AMOTL1: variants seen among roughly 807,000 people sequenced by gnomAD.
AMOTL1 encodes the protein angiomotin-like protein 1.
AMOTL1 carries 45 observed loss-of-function variants against 102.9 expected under a neutral mutation model. The observed-to-expected ratio is 0.44, with a 90% CI of 0.34 to 0.56. The LOEUF (loss-of-function observed/expected upper bound fraction) is 0.56. Ranked by LOEUF, AMOTL1 falls within the 20% of genes least tolerant of loss-of-function variation. The pLI is 0.01. For missense variants in AMOTL1, 1,114 were observed against 1,225.6 expected (o/e 0.91, Z 1.36); for synonymous variants, 481 against 484.7 (o/e 0.99, Z 0.10).
chr11:94,720,544 C>T (rs1294852856), intron 1 of AMOTL1, among the ~76,000 whole-genome samples: 1 of 152,112 alleles, frequency 6.6e-6, no homozygotes, highest in Non-Finnish European at 1.5e-5. Context: ...TATTCCAAGC[C>T]ACATACCTCC....
At chr11:94,794,679 C>T (rs1951334687) in intron 1 of AMOTL1, among the ~76,000 whole-genome samples, 1 of 152,226 alleles carries the variant, frequency 6.6e-6, no homozygotes, top group Non-Finnish European at 1.5e-5. Flanking sequence ...CCATTCAGAA[C>T]TTTGTGACAC....
chr11:94,815,720 C>T (rs1363494334), intron 3 of AMOTL1, among the ~76,000 whole-genome samples: 1 of 151,672 alleles, frequency 6.6e-6, no homozygotes, highest in African/African-American at 2.4e-5. Context: ...TATATAAAAG[C>T]ATTGTAAAGA....
intron 1 of AMOTL1, among the ~76,000 whole-genome samples, chr11:94,770,063 T>G (rs1950923130): frequency 6.6e-6 from 1 of 152,116 alleles, no homozygotes; most frequent in African/African-American, 2.4e-5. Context: ...CAATCATGGC[T>G]CCCTGCTTCC....
intron 4 of AMOTL1, among the ~76,000 whole-genome samples, chr11:94,825,408 A>C (rs969738416): frequency 1.3e-5 from 2 of 152,144 alleles, no homozygotes; most frequent in African/African-American, 2.4e-5. Flanking sequence ...TGGAGCTTGG[A>C]ATGGCTGAGA....
At chr11:94,841,838 A>G (rs1952308881) in intron 6 of AMOTL1, among the ~76,000 whole-genome samples, 1 of 152,198 alleles carries the variant, frequency 6.6e-6, no homozygotes, top group African/African-American at 2.4e-5. Flanking sequence ...CAATTTCCAG[A>G]AGTAAAGTGC....
intron 9 of AMOTL1, among the ~76,000 whole-genome samples, chr11:94,863,932 C>T (rs1401975384): frequency 6.6e-6 from 1 of 152,196 alleles, no homozygotes; most frequent in Non-Finnish European, 1.5e-5. Flanking sequence ...TTGTCAAGGA[C>T]AGTGTCTGCC....
chr11:94,766,793 T>C (rs1432468730), upstream of AMOTL1, among the ~76,000 whole-genome samples: 1 of 152,262 alleles, frequency 6.6e-6, no homozygotes. Context: ...TCAACAGCTA[T>C]GCCTGAGCTT....
At chr11:94,829,349 A>T (rs1330160241) in intron 4 of AMOTL1, among the ~76,000 whole-genome samples, 3 of 151,772 alleles carry the variant, frequency 2.0e-5, no homozygotes, top group Non-Finnish European at 2.9e-5. Flanking sequence ...CAGCCTCCCA[A>T]GTAGCTGGGG....
At chr11:94,760,023 C>T (rs1441486503) in intron 3 of AMOTL1, among the ~76,000 whole-genome samples, 1 of 152,174 alleles carries the variant, frequency 6.6e-6, no homozygotes, top group Non-Finnish European at 1.5e-5. Flanking sequence ...AACTCTGGAG[C>T]GGGGCCCTGC....
chr11:94,839,921 C>T (rs1952262170), intron 6 of AMOTL1, among the ~76,000 whole-genome samples: 1 of 152,196 alleles, frequency 6.6e-6, no homozygotes, highest in Non-Finnish European at 1.5e-5. Flanking sequence ...CAGATCTTCT[C>T]AAGTGAGTTC....
intron 1 of AMOTL1, among the ~76,000 whole-genome samples, chr11:94,787,675 G>A (rs1329565227): frequency 3.8e-5 from 4 of 104,636 alleles, no homozygotes; most frequent in Non-Finnish European, 6.9e-5. Context: ...GCGACAGAGC[G>A]AAACTCCGTC....
intron 3 of AMOTL1, among the ~76,000 whole-genome samples, chr11:94,746,565 C>T (rs1456722246): frequency 6.6e-6 from 1 of 152,170 alleles, no homozygotes; most frequent in African/African-American, 2.4e-5. Flanking sequence ...CCTCTTCCCC[C>T]TTCTCCCTTT....
intron 6 of AMOTL1, among the ~76,000 whole-genome samples, chr11:94,846,553 A>G (rs938142840): frequency 1.3e-5 from 2 of 152,370 alleles, no homozygotes; most frequent in South Asian, 2.1e-4. Context: ...TCTGAGTAGT[A>G]GATGCTTCAT....
chr11:94,793,911 T>TA (rs1297098150), intron 1 of AMOTL1, among the ~76,000 whole-genome samples: 2 of 152,238 alleles, frequency 1.3e-5, no homozygotes, highest in African/African-American at 4.8e-5. Context: ...GTGCCTGTAA[T>TA]ACATGTGAGC....
At chr11:94,869,078 G>C in intron 11 of AMOTL1, 120 bp from the exon 12 acceptor site, 1 of 1,189,588 alleles carries the variant, frequency 8.4e-7, no homozygotes, top group Non-Finnish European at 1.1e-6. Context: ...AAATGCTTGG[G>C]GAATGAATCA....
chr11:94,768,815 G>T (rs1950896965), intron 1 of AMOTL1, among the ~76,000 whole-genome samples: 1 of 152,068 alleles, frequency 6.6e-6, no homozygotes, highest in African/African-American at 2.4e-5. Context: ...CCCGGGGTTT[G>T]GGCCCCGGGG....
chr11:94,787,020 C>G (rs541740523), intron 1 of AMOTL1, among the ~76,000 whole-genome samples: 11 of 151,306 alleles, frequency 7.3e-5, no homozygotes, highest in Non-Finnish European at 5.9e-5. Flanking sequence ...GACACAGTCT[C>G]TGTTGTTATA....
chr11:94,723,310 G>T (rs1950203987), intron 1 of AMOTL1, among the ~76,000 whole-genome samples: 1 of 152,118 alleles, frequency 6.6e-6, no homozygotes, highest in Non-Finnish European at 1.5e-5. Context: ...CACAAAGGAA[G>T]AAAGAAATAG....
upstream of AMOTL1, chr11:94,768,195 C>T (rs1048142014): frequency 2.0e-6 from 2 of 996,034 alleles, no homozygotes; most frequent in Middle Eastern, 4.3e-4. Context: ...TTCAGCCTGG[C>T]AGTCTCGCGG....
Sources: gnomAD v4.1 joint callset for allele counts (sites outside exome capture counted in the v4.1 genomes callset) on GRCh38, gnomAD v4.1.1 for gene constraint, MANE v1.5 for transcripts, NCBI Gene and HGNC (gene_info 2026-07-23, HGNC 2026-07-21) for gene names.